GMPR: variants seen among roughly 807,000 people sequenced by gnomAD.
GMPR encodes the protein guanosine monophosphate reductase, also known as GMP reductase 1.
A neutral mutation model predicts 38.4 loss-of-function variants in GMPR; 31 were observed. The observed-to-expected ratio is 0.81, with a 90% CI of 0.61 to 1.09. The LOEUF (loss-of-function observed/expected upper bound fraction) is 1.09, where lower values mean the gene tolerates loss of function less well. Among genes scored for constraint, GMPR ranks in the 50% least tolerant of loss-of-function variants. The pLI, the probability that GMPR is intolerant of heterozygous loss-of-function variation, is 0.00. For synonymous variants in GMPR, 162 were observed against 173.3 expected, an observed-to-expected ratio of 0.93 and a Z score of 0.51; for missense variants, 468 against 453.7, an observed-to-expected ratio of 1.03 and a Z score of -0.29.
intron 6 of GMPR, among the ~76,000 whole-genome samples, chr6:16,281,657 A>C (rs1193970380): frequency 6.9e-6 from 1 of 145,526 alleles, no homozygotes; most frequent in Non-Finnish European, 1.5e-5. Flanking sequence ...GGCACGCGCC[A>C]CCACGCTCAG....
chr6:16,238,811 G>T, intron 1 of GMPR, 31 bp downstream of exon 1: 1 of 1,328,380 alleles, frequency 7.5e-7, no homozygotes, highest in Non-Finnish European at 1.0e-6. Context: ...GCAGTGGGGT[G>T]GGATTTTTTT....
intron 2 of GMPR, 68 bp downstream of exon 2, chr6:16,247,029 C>G (rs1758771741): frequency 6.8e-7 from 1 of 1,473,518 alleles, no homozygotes; most frequent in Non-Finnish European, 9.3e-7. Flanking sequence ...AGGAGCCGAC[C>G]CTGGCTTTAT....
At chr6:16,280,852 G>A (rs1412939382) in intron 6 of GMPR, among the ~76,000 whole-genome samples, 2 of 152,146 alleles carry the variant, frequency 1.3e-5, no homozygotes, top group Non-Finnish European at 2.9e-5. Flanking sequence ...ACCCTATATC[G>A]TAAGTGTTGA....
chr6:16,282,814 CTT>C (rs1265279033), intron 6 of GMPR, among the ~76,000 whole-genome samples: 2 of 137,458 alleles, frequency 1.5e-5, no homozygotes. Context: ...TTTTTTTTTT[CTT>C]TTTTTTTTTT....
intron 5 of GMPR, among the ~76,000 whole-genome samples, chr6:16,278,130 T>C (rs1399315248): frequency 6.6e-6 from 1 of 151,834 alleles, no homozygotes; most frequent in Non-Finnish European, 1.5e-5. Context: ...GGACTTGAGG[T>C]GGGGCAGCCA....
At position 16,285,806 on chromosome 6, in the gene GMPR, C is replaced by G; in HGVS notation, c.668C>G (p.Thr223Arg). 6.2e-7 allele frequency: 1 copy of G among 1,613,082 alleles called. No individual in the cohort carries two copies. Among genetic ancestry groups the G allele is most frequent in the Non-Finnish European group, 8.5e-7 (1 of 1,179,488 alleles). ...KGHIISDGGC[T>R]CPGDVAKAFG... is the part of the protein sequence containing the mutation. ...TCCTCTGTGAAGGATGGAGGCTGTA[C>G]GTGTCCAGGGGATGTCGCCAAAGCC... Residue 223 changes from threonine to arginine, a missense_variant, in exon 7 of 9, where the codon ACG becomes AGG. By Grantham distance (71) the Thr-to-Arg change is moderately conservative (BLOSUM62 -1). Transcript: ENST00000259727.
At chr6:16,287,536 G>A (rs1759711045) in intron 7 of GMPR, among the ~76,000 whole-genome samples, 1 of 152,216 alleles carries the variant, frequency 6.6e-6, no homozygotes, top group Admixed American at 6.5e-5. Flanking sequence ...TGTCAGGGAA[G>A]GATGCAAGGG....
At chr6:16,271,261 A>G (rs1341310205) in intron 4 of GMPR, among the ~76,000 whole-genome samples, 1 of 152,060 alleles carries the variant, frequency 6.6e-6, no homozygotes, top group Non-Finnish European at 1.5e-5. Context: ...TGAGGCAGGC[A>G]GATTGCTTGA....
intron 4 of GMPR, among the ~76,000 whole-genome samples, chr6:16,273,671 C>G (rs1178965482): frequency 2.6e-5 from 4 of 152,182 alleles, no homozygotes; most frequent in Non-Finnish European, 5.9e-5. Context: ...ACTGCGTTTT[C>G]TAATTCTGAC....
intron 4 of GMPR, among the ~76,000 whole-genome samples, chr6:16,259,937 A>G (rs1581652432): frequency 6.6e-6 from 1 of 152,156 alleles, no homozygotes; most frequent in African/African-American, 2.4e-5. Flanking sequence ...CAGGGCATGT[A>G]TGAGTAGTTG....
At chr6:16,266,509 G>A (rs1759235084) in intron 4 of GMPR, among the ~76,000 whole-genome samples, 1 of 150,198 alleles carries the variant, frequency 6.7e-6, no homozygotes, top group Non-Finnish European at 1.5e-5. Flanking sequence ...CCACCTTTAA[G>A]AGCTGTAACA....
chr6:16,256,165 G>A (rs1214621954), intron 4 of GMPR, among the ~76,000 whole-genome samples: 1 of 148,462 alleles, frequency 6.7e-6, no homozygotes, highest in East Asian at 2.0e-4. Context: ...GCAGTGAGCC[G>A]AGATCACACC....
chr6:16,278,814 G>A lies in GMPR; in HGVS notation c.578G>A (p.Gly193Glu), dbSNP rs369975012. ...GTGTGCACCACCCGCACCAAGACGGGAGTGGGGTACCCCCAGCTGAGTGCC... is the reference window on the plus strand; with the variant it reads ...GTGTGCACCACCCGCACCAAGACGGAAGTGGGGTACCCCCAGCTGAGTGCC... ...GSVCTTRTKT[G>E]VGYPQLSAVI... The change falls in exon 6 of 9, where the codon GGA (glycine) becomes GAA (glutamate). Residue 193 changes from glycine (G) to glutamate (E), a missense_variant. By Grantham distance (98) the Gly-to-Glu change is moderately conservative. Coordinates refer to ENST00000259727, the MANE Select transcript of GMPR (RefSeq NM_006877.4). 5.6e-5 allele frequency: 91 copies of A among 1,613,948 alleles called. No individual in the cohort carries two copies. Among genetic ancestry groups the A allele is most frequent in the Admixed American group, 3.3e-5 (2 of 60,008 alleles).
At chr6:16,270,141 G>A (rs1209659446) in intron 4 of GMPR, among the ~76,000 whole-genome samples, 1 of 152,224 alleles carries the variant, frequency 6.6e-6, no homozygotes, top group African/African-American at 2.4e-5. Context: ...TGGTACAAAA[G>A]TACTTGAAGT....
At position 16,254,660 on chromosome 6, in the gene GMPR, G is replaced by A. The variant is rs751646088; in HGVS notation, c.390G>A (p.Val130=). Residue 130 remains valine (V), a synonymous_variant, in exon 4 of 9, where the codon GTG becomes GTA. Coordinates refer to ENST00000259727, the MANE Select transcript of GMPR (RefSeq NM_006877.4). The stretch of plus-strand genomic sequence containing the variant: ...AGGTTAAGTTTATTTGCCTGGATGT[G>A]GCCAATGGGTATTCAGAACATTTTG... ...VPQVKFICLD[V]ANGYSEHFVE... is the part of the protein sequence containing the mutation. 6.2e-7 allele frequency: 1 copy of A among 1,613,552 alleles called. No homozygotes were observed. Among genetic ancestry groups the A allele is most frequent in the South Asian group, 1.1e-5 (1 of 91,076 alleles).
intron 5 of GMPR, among the ~76,000 whole-genome samples, chr6:16,275,442 A>G (rs1048270582): frequency 2.0e-5 from 3 of 152,178 alleles, no homozygotes; most frequent in Non-Finnish European, 4.4e-5. Flanking sequence ...TATGAAGAGA[A>G]TATTAGGAAG....
chr6:16,248,004 C>T (rs528793069), intron 2 of GMPR, among the ~76,000 whole-genome samples: 143 of 151,848 alleles, frequency 9.4e-4, no homozygotes, highest in African/African-American at 2.9e-3. Context: ...TGGAGGCAGG[C>T]GGATTGCTTG....
chr6:16,290,650 C>T (rs368969223), intron 8 of GMPR, 29 bp downstream of exon 8: 64 of 1,599,620 alleles, frequency 4.0e-5, no homozygotes, highest in Middle Eastern at 1.8e-4. Flanking sequence ...GGCGCACCCT[C>T]GAGGCCTGGC....
chr6:16,265,993 C>T (rs999002174), intron 4 of GMPR, among the ~76,000 whole-genome samples: 4 of 152,172 alleles, frequency 2.6e-5, no homozygotes, highest in African/African-American at 7.2e-5. Context: ...CCTTTAAGAG[C>T]TGTAACACTC....
Sources: gnomAD v4.1 joint callset for allele counts (sites outside exome capture counted in the v4.1 genomes callset) on GRCh38, gnomAD v4.1.1 for gene constraint, MANE v1.5 for transcripts, NCBI Gene and HGNC (gene_info 2026-07-23, HGNC 2026-07-21) for gene names.